RADIL: variants seen among roughly 807,000 people sequenced by gnomAD.
RADIL encodes Rap associating with DIL domain.
In RADIL, 99 loss-of-function variants were observed where a neutral mutation model predicts 97.6. The ratio of observed to expected loss-of-function variants is 1.01; its 90% CI spans 0.86 to 1.20. RADIL has a LOEUF of 1.20. RADIL is among the 50% of genes most tolerant of loss of function. RADIL has a pLI of 0.00. For synonymous variants in RADIL, 803 were observed against 691.8 expected (o/e 1.16, Z -2.52); for missense variants, 1,765 against 1,498.9 (o/e 1.18, Z -2.93).
chr7:4,818,295 C>T lies in RADIL; in HGVS notation c.1616-944G>A, dbSNP rs1303811222. 6.6e-6 allele frequency among the ~76,000 whole-genome samples: 1 copy of T among 152,208 alleles called. No homozygotes were observed. The highest frequency in any genetic ancestry group is 1.5e-5 in the Non-Finnish European group (1 of 68,028). ...GCCTCCCAGGAGCACAGGCCCCCAG[C>T]TGCCCCTCTGCCGGGCAGACTGCAC... On this transcript the variant is annotated intron_variant, in intron 6 of 14. Coordinates refer to ENST00000399583, the MANE Select transcript of RADIL (RefSeq NM_018059.5). This position sits in a 1 kb window ranked among gnomAD's most constrained non-coding sequence, Gnocchi z 7.1.
chr7:4,810,293 G>T (rs1782503578), intron 9 of RADIL, among the ~76,000 whole-genome samples: 1 of 151,868 alleles, frequency 6.6e-6, no homozygotes, highest in African/African-American at 2.4e-5. Context: ...CCAGGTAGTT[G>T]GGAATACACA....
chr7:4,807,571 T>G (rs1583265775), intron 9 of RADIL, among the ~76,000 whole-genome samples: 1 of 59,248 alleles, frequency 1.7e-5, no homozygotes, highest in Non-Finnish European at 3.1e-5. Context: ...CTCCCTCTCC[T>G]TCTCTCTCTC....
intron 1 of RADIL, among the ~76,000 whole-genome samples, chr7:4,882,462 C>A (rs1689747942): frequency 6.6e-6 from 1 of 152,196 alleles, no homozygotes; most frequent in African/African-American, 2.4e-5. Context: ...AATGTTTTCT[C>A]TTGTTCTCAA....
intron 2 of RADIL, among the ~76,000 whole-genome samples, chr7:4,844,878 A>T (rs1490304579): frequency 6.6e-6 from 1 of 152,070 alleles, no homozygotes. Flanking sequence ...TGCTGGGATT[A>T]CAGGTATGAG....
At position 4,812,958 on chromosome 7, in the gene RADIL, G is replaced by A. The variant is rs142805225; in HGVS notation, c.2139+2320C>T. ...AAGACTGCTTTAACTGCAGCCCACAGGTTTGGATATTTTGTATCTTCATTG... is the reference window on the plus strand; with the variant it reads ...AAGACTGCTTTAACTGCAGCCCACAAGTTTGGATATTTTGTATCTTCATTG... On this transcript the variant is annotated intron_variant, in intron 9 of 14. Transcript: ENST00000399583. Among the ~76,000 whole-genome samples the A allele has an allele frequency of 3.3e-3, 508 of 152,256 alleles. 1 individual carries two copies. The highest frequency in any genetic ancestry group is 4.0e-3 in the Non-Finnish European group (275 of 68,028).
At chr7:4,807,456 T>TCTC (rs1159176718) in intron 9 of RADIL, among the ~76,000 whole-genome samples, 1 of 151,626 alleles carries the variant, frequency 6.6e-6, no homozygotes, top group Non-Finnish European at 1.5e-5. Context: ...GGAACAGAAC[T>TCTC]CTCCTCCTTC....
intron 7 of RADIL, among the ~76,000 whole-genome samples, chr7:4,816,872 C>T (rs889699864): frequency 4.6e-5 from 7 of 152,114 alleles, no homozygotes; most frequent in African/African-American, 1.7e-4. Context: ...GGGGGACCGG[C>T]GGCAGCACCT....
At chr7:4,859,862 T>C in intron 2 of RADIL, 1 of 1,436,580 alleles carries the variant, frequency 7.0e-7, no homozygotes, top group Non-Finnish European at 9.6e-7. Context: ...TGGTCCTTTC[T>C]TCTTTATGAG....
rs1258280074 is a variant in RADIL, at chr7:4,800,283, G to A, written c.2870C>T (p.Ser957Phe). ...GCTGCGGCTGGACGGGGCTGGAGGG[G>A]ACTCCTCCGCAAGGGCTGCAGAGTC... ...EGDSAALAEE[S>F]PPAPSSRSSS... Residue 957 changes from serine to phenylalanine, a missense_variant, in exon 13 of 15, where the codon TCC becomes TTC. Ser to Phe is a radical substitution (Grantham distance 155, BLOSUM62 -2). Coordinates refer to ENST00000399583, the MANE Select transcript of RADIL (RefSeq NM_018059.5). The A allele has an allele frequency of 3.3e-6, 5 of 1,513,292 alleles. No individual in the cohort carries two copies. The highest frequency in any genetic ancestry group is 1.8e-4 in the Middle Eastern group (1 of 5,676). 93.7% of individuals were successfully genotyped at this position (1,513,292 alleles called of 1,614,324 possible).
intron 2 of RADIL, chr7:4,865,507 C>T: frequency 2.6e-6 from 2 of 781,178 alleles, no homozygotes; most frequent in South Asian, 2.7e-5. Context: ...TTGCTGTTAG[C>T]AACTATGCGC....
chr7:4,800,771 T>C (rs117708928), intron 12 of RADIL, among the ~76,000 whole-genome samples: 428 of 152,178 alleles, frequency 2.8e-3, no homozygotes, highest in Non-Finnish European at 4.8e-3. Context: ...GCTGGTGCCC[T>C]CTCCATAATG....
intron 2 of RADIL, 55 bp downstream of exon 2, chr7:4,877,550 T>C: frequency 6.5e-7 from 1 of 1,530,474 alleles, no homozygotes; most frequent in Non-Finnish European, 8.8e-7. Flanking sequence ...CTACCTCGGC[T>C]GGCCTTCTCA....
chr7:4,803,884 A>T, intron 10 of RADIL, 130 bp from the exon 11 acceptor site: 2 of 850,626 alleles, frequency 2.4e-6, no homozygotes, highest in Non-Finnish European at 1.9e-6. Context: ...CTGTGGACAC[A>T]GGAGGCTGGG....
At position 4,817,432 on chromosome 7, in the gene RADIL, TC is replaced by T; in HGVS notation, c.1616-82del. On this transcript the variant is annotated intron_variant, in intron 6 of 14. Coordinates refer to ENST00000399583, the MANE Select transcript of RADIL (RefSeq NM_018059.5). The surrounding 1 kb of genome is among the most constrained non-coding windows in gnomAD (Gnocchi z 8.3). ...GCAACTCAGCCAGCCGCCAGCTCTT[TC>T]CCTGGCGCGGGCACCACCCAACGCG... 7.7e-7 allele frequency: 1 copy of T among 1,294,656 alleles called. No homozygotes were observed. The highest frequency in any genetic ancestry group is 1.1e-6 in the Non-Finnish European group (1 of 936,224). The allele number at this position is 1,294,656 out of a possible 1,614,324, so 80.2% of individuals were successfully genotyped here. A position where few individuals can be genotyped will look rare whatever the true frequency, so the allele number is the denominator to read the frequency against.
intron 5 of RADIL, 68 bp downstream of exon 5, chr7:4,832,073 C>A: frequency 6.4e-7 from 1 of 1,555,658 alleles, no homozygotes; most frequent in Non-Finnish European, 8.8e-7. Context: ...GGACTTGGCT[C>A]CCCCGGGAAG....
chr7:4,828,135 C>T (rs1562440013), intron 5 of RADIL, among the ~76,000 whole-genome samples: 1 of 152,162 alleles, frequency 6.6e-6, no homozygotes, highest in Middle Eastern at 3.2e-3. Flanking sequence ...ACAGCCTTTA[C>T]AGAAAACAGT....
chr7:4,799,838 C>T, intron 13 of RADIL, 69 bp from the exon 14 acceptor site: 1 of 1,437,696 alleles, frequency 7.0e-7, no homozygotes, highest in Non-Finnish European at 9.1e-7. Context: ...ACCACTGCAG[C>T]CCCTCCCTTG....
chr7:4,860,095 A>G, intron 2 of RADIL: 1 of 1,614,040 alleles, frequency 6.2e-7, no homozygotes, highest in Non-Finnish European at 8.5e-7. Context: ...AAAATTCAGT[A>G]GCCTGTATGT....
At chr7:4,866,098 T>A (rs528184257) in intron 2 of RADIL, among the ~76,000 whole-genome samples, 1 of 152,196 alleles carries the variant, frequency 6.6e-6, no homozygotes, top group Admixed American at 6.5e-5. Context: ...TGACTGTATA[T>A]GTTTTTTGAG....
Sources: gnomAD v4.1 joint callset for allele counts (sites outside exome capture counted in the v4.1 genomes callset) on GRCh38, gnomAD v4.1.1 for gene constraint, Gnocchi (gnomAD v3.1) non-coding constraint, MANE v1.5 for transcripts, NCBI Gene and HGNC (gene_info 2026-07-23, HGNC 2026-07-21) for gene names.